The following TNS3 variants were observed in gnomAD, a reference collection of about 807,000 sequenced individuals.
TNS3 encodes the protein tensin 3.
A neutral mutation model predicts 140.9 loss-of-function variants in TNS3; 45 were observed. The observed-to-expected ratio is 0.32, with a 90% CI of 0.25 to 0.41. The LOEUF is 0.41. TNS3 is among the 10% of genes least tolerant of loss of function. The pLI is 1.00. For missense variants in TNS3, 1,716 were observed against 1,906.7 expected (o/e 0.90, Z 1.86); for synonymous variants, 815 against 788.4 (o/e 1.03, Z -0.56).
intron 4 of TNS3, among the ~76,000 whole-genome samples, chr7:47,456,690 C>T (rs1273042199): frequency 1.3e-5 from 2 of 152,106 alleles, no homozygotes; most frequent in Non-Finnish European, 2.9e-5. Context: ...CAACAGGGAA[C>T]GCTCAAGGAC....
chr7:47,552,415 C>A (rs1800088381), intron 1 of TNS3, among the ~76,000 whole-genome samples: 1 of 152,178 alleles, frequency 6.6e-6, no homozygotes, highest in South Asian at 2.1e-4. Flanking sequence ...TGCAGATACT[C>A]AGTTTTTTTT....
intron 27 of TNS3, among the ~76,000 whole-genome samples, chr7:47,287,060 C>T (rs1584316338): frequency 6.6e-6 from 1 of 151,008 alleles, no homozygotes; most frequent in African/African-American, 2.4e-5. Flanking sequence ...TTTTCCTTTT[C>T]TTTTATTTTC....
chr7:47,300,388 T>C (rs1786325856), intron 23 of TNS3, among the ~76,000 whole-genome samples: 1 of 152,240 alleles, frequency 6.6e-6, no homozygotes, highest in Non-Finnish European at 1.5e-5. Context: ...TTCTACAATG[T>C]GTGCTGAAGA....
At chr7:47,323,738 A>G (rs191258363) in intron 20 of TNS3, among the ~76,000 whole-genome samples, 1 of 152,356 alleles carries the variant, frequency 6.6e-6, no homozygotes, top group East Asian at 1.9e-4. Context: ...CTACGCTCCA[A>G]GTGATAAAAT....
intron 20 of TNS3, among the ~76,000 whole-genome samples, chr7:47,329,871 GGGA>G (rs1788237800): frequency 6.6e-6 from 1 of 152,164 alleles, no homozygotes; most frequent in African/African-American, 2.4e-5. Flanking sequence ...CAAACCCACA[GGGA>G]TGGGCAGCAG....
At chr7:47,459,834 T>C (rs1445461533) in intron 4 of TNS3, among the ~76,000 whole-genome samples, 1 of 152,178 alleles carries the variant, frequency 6.6e-6, no homozygotes, top group Admixed American at 6.5e-5. Context: ...AAATGCCTGG[T>C]ACCATCTGTT....
At chr7:47,330,680 A>T (rs968615387) in intron 20 of TNS3, among the ~76,000 whole-genome samples, 1 of 152,104 alleles carries the variant, frequency 6.6e-6, no homozygotes, top group African/African-American at 2.4e-5. Flanking sequence ...TCGGAGGAAG[A>T]CACAAGCAGA....
In TNS3 at chr7:47,275,531, C is replaced by T. The variant is rs1195931002; in HGVS notation, c.*2545G>A. The T allele has an allele frequency of 2.9e-5, 9 of 314,622 alleles. No individual in the cohort carries two copies. The highest frequency in any genetic ancestry group is 2.6e-4 in the East Asian group (3 of 11,434). 19.5% of individuals were successfully genotyped at this position (314,622 alleles called of 1,614,324 possible). A position where few individuals can be genotyped will look rare whatever the true frequency, so the allele number is the denominator to read the frequency against. On this transcript the variant is annotated 3_prime_UTR_variant, in exon 31 of 31. Coordinates refer to ENST00000311160, the MANE Select transcript of TNS3 (RefSeq NM_022748.12). ...GCCCTGGAGACAAAATGCCTGGAAA[C>T]GTTCCTTTTCCTGTGGCCCTAGAGC...
At chr7:47,527,949 A>G (rs1422128120) in intron 2 of TNS3, among the ~76,000 whole-genome samples, 2 of 151,714 alleles carry the variant, frequency 1.3e-5, no homozygotes, top group East Asian at 1.9e-4. Context: ...ATGTCCTATC[A>G]GTTGGCTCAG....
chr7:47,403,132 G>T (rs1793252182), intron 13 of TNS3: 1 of 152,484 alleles, frequency 6.6e-6, no homozygotes, highest in African/African-American at 2.4e-5. Flanking sequence ...CCAGCGCAGG[G>T]CCTCCTTCCA....
intron 20 of TNS3, among the ~76,000 whole-genome samples, chr7:47,315,193 T>G (rs973407859): frequency 2.0e-5 from 3 of 152,198 alleles, no homozygotes; most frequent in African/African-American, 7.2e-5. Context: ...TCCCACAATA[T>G]TCTCACATTT....
At chr7:47,370,661 T>G (rs1791012556) in intron 16 of TNS3, among the ~76,000 whole-genome samples, 1 of 152,254 alleles carries the variant, frequency 6.6e-6, no homozygotes, top group Non-Finnish European at 1.5e-5. Flanking sequence ...AGCGGGAGTT[T>G]GTAGTCAGCA....
chr7:47,449,319 G>A (rs1229573781), intron 4 of TNS3, among the ~76,000 whole-genome samples: 1 of 152,178 alleles, frequency 6.6e-6, no homozygotes, highest in East Asian at 1.9e-4. Flanking sequence ...TGAAAGGCAG[G>A]TGCTCAGCCT....
chr7:47,299,380 T>A (rs1208383992), intron 23 of TNS3, among the ~76,000 whole-genome samples: 2 of 150,532 alleles, frequency 1.3e-5, no homozygotes, highest in Non-Finnish European at 2.9e-5. Context: ...GCTCAAGTGA[T>A]CCTCCCACCT....
At chr7:47,391,063 C>G (rs996736605) in intron 16 of TNS3, among the ~76,000 whole-genome samples, 1 of 152,220 alleles carries the variant, frequency 6.6e-6, no homozygotes, top group Admixed American at 6.5e-5. Flanking sequence ...CACACAGCAC[C>G]TCTTACTTCC....
At chr7:47,480,246 C>A (rs971482470) in intron 4 of TNS3, among the ~76,000 whole-genome samples, 5 of 152,240 alleles carry the variant, frequency 3.3e-5, no homozygotes, top group Non-Finnish European at 7.3e-5. Flanking sequence ...GAAAGCCCTG[C>A]CCTACTTGAG....
intron 2 of TNS3, among the ~76,000 whole-genome samples, chr7:47,526,021 TAAAG>T (rs1290490386): frequency 6.6e-6 from 1 of 152,168 alleles, no homozygotes; most frequent in African/African-American, 2.4e-5. Flanking sequence ...ATCCTCCAGA[TAAAG>T]AAAGAAGACA....
At chr7:47,554,571 G>T (rs1800147685) in intron 1 of TNS3, among the ~76,000 whole-genome samples, 1 of 152,210 alleles carries the variant, frequency 6.6e-6, no homozygotes, top group South Asian at 2.1e-4. Flanking sequence ...GATCTTGAGG[G>T]TTCAAGACTT....
chr7:47,506,558 G>C (rs1798423686), intron 3 of TNS3, among the ~76,000 whole-genome samples: 2 of 151,972 alleles, frequency 1.3e-5, no homozygotes, highest in Non-Finnish European at 2.9e-5. Flanking sequence ...GGAATGCCCT[G>C]GACCTCCCTG....
Sources: gnomAD v4.1 joint callset for allele counts (sites outside exome capture counted in the v4.1 genomes callset) on GRCh38, gnomAD v4.1.1 for gene constraint, MANE v1.5 for transcripts, NCBI Gene and HGNC (gene_info 2026-07-23, HGNC 2026-07-21) for gene names.